TTLL11: variants seen among roughly 807,000 people sequenced by gnomAD.
The protein encoded by TTLL11 is tubulin polyglutamylase TTLL11.
A neutral mutation model predicts 51.7 loss-of-function variants in TTLL11; 42 were observed. The ratio of observed to expected loss-of-function variants is 0.81; its 90% CI spans 0.64 to 1.05. TTLL11 has a LOEUF of 1.05. Among genes scored for constraint, TTLL11 ranks in the 50% least tolerant of loss-of-function variants. The pLI is 0.00. For missense variants in TTLL11, 799 were observed against 940.4 expected, an observed-to-expected ratio of 0.85 and a Z score of 1.97; for synonymous variants, 381 against 383.5, an observed-to-expected ratio of 0.99 and a Z score of 0.08.
At chr9:122,038,624 G>A (rs1259699372) in intron 2 of TTLL11, among the ~76,000 whole-genome samples, 2 of 152,208 alleles carry the variant, frequency 1.3e-5, no homozygotes, top group South Asian at 4.1e-4. Context: ...TCTCCAGTAT[G>A]AGTGACCAAG....
At chr9:122,075,035 T>C (rs376575692) in intron 1 of TTLL11, among the ~76,000 whole-genome samples, 5 of 152,232 alleles carry the variant, frequency 3.3e-5, no homozygotes, top group African/African-American at 1.2e-4. Context: ...TTCACATTCA[T>C]ATTGTAATTC....
intron 1 of TTLL11, among the ~76,000 whole-genome samples, chr9:122,067,073 G>T (rs890543368): frequency 6.6e-6 from 1 of 152,132 alleles, no homozygotes; most frequent in African/African-American, 2.4e-5. Flanking sequence ...TGAGATTTGG[G>T]TAGGGACACA....
chr9:121,837,279 C>A (rs190825548), intron 8 of TTLL11, among the ~76,000 whole-genome samples: 6 of 150,636 alleles, frequency 4.0e-5, no homozygotes, highest in Admixed American at 4.0e-4. Context: ...CTTGAATGAG[C>A]AATCATCTCT....
Position 121,989,722 on chromosome 9 carries a change from C to T in TTLL11, c.742G>A (p.Val248Met), listed in dbSNP as rs755218056. The T allele has an allele frequency of 3.2e-5, 52 of 1,610,852 alleles. No individual in the cohort carries two copies. The highest frequency in any genetic ancestry group is 1.7e-4 in the South Asian group (15 of 90,826). Residue 248 changes from valine to methionine, a missense_variant, in exon 4 of 9, where the codon GTG (valine) becomes ATG (methionine). This residue lies in a region of TTLL11 where 468 missense variants were observed against 612.8 expected (regional missense o/e 0.76). Transcript: ENST00000321582. This position sits in a 1 kb window ranked among gnomAD's most constrained non-coding sequence, Gnocchi z 4.2. ...CCCTGACAACCACCATCAGGTTTCACGATAAAAGTGGGCTTCCAGGAGGGG... is the reference window on the plus strand; with the variant it reads ...CCCTGACAACCACCATCAGGTTTCATGATAAAAGTGGGCTTCCAGGAGGGG... Reference protein sequence around the residue: ...DDPSWKPTFIVKPDGGCQGDG... With the variant: ...DDPSWKPTFIMKPDGGCQGDG...
chr9:121,956,697 A>T (rs1462297134), intron 6 of TTLL11, among the ~76,000 whole-genome samples: 1 of 152,248 alleles, frequency 6.6e-6, no homozygotes. Flanking sequence ...GTGGCAGGCA[A>T]GTAGTTCTCA....
At chr9:122,015,911 T>C (rs886087790) in intron 3 of TTLL11, among the ~76,000 whole-genome samples, 16 of 152,092 alleles carry the variant, frequency 1.1e-4, no homozygotes, top group African/African-American at 9.7e-5. Context: ...CCAGGCACTG[T>C]GATAGGCACT....
chr9:121,971,906 C>G (rs953425927), intron 6 of TTLL11, among the ~76,000 whole-genome samples: 6 of 152,010 alleles, frequency 3.9e-5, no homozygotes, highest in Admixed American at 2.0e-4. Context: ...ACTGCACGTT[C>G]CTACTCATAA....
At chr9:122,031,944 C>G in intron 2 of TTLL11, 88 bp from the exon 3 acceptor site, 1 of 1,497,240 alleles carries the variant, frequency 6.7e-7, no homozygotes, top group Admixed American at 2.0e-5. Context: ...AAACCACCCA[C>G]CCGACATATT....
chr9:122,050,714 A>C (rs1393403696), intron 1 of TTLL11, among the ~76,000 whole-genome samples: 1 of 152,108 alleles, frequency 6.6e-6, no homozygotes, highest in Non-Finnish European at 1.5e-5. Context: ...ATATTTTTAT[A>C]AAAAGACTAC....
chr9:122,072,607 G>A (rs1220481384), intron 1 of TTLL11, among the ~76,000 whole-genome samples: 1 of 152,138 alleles, frequency 6.6e-6, no homozygotes, highest in Admixed American at 6.5e-5. Context: ...TCGTGCCACT[G>A]CACTCCAGCC....
intron 1 of TTLL11, among the ~76,000 whole-genome samples, chr9:122,081,750 T>C (rs1286596673): frequency 6.6e-6 from 1 of 152,206 alleles, no homozygotes; most frequent in African/African-American, 2.4e-5. Context: ...TTAATTGTAA[T>C]GTGGATCATG....
At chr9:122,008,815 A>C (rs1227086695) in intron 3 of TTLL11, among the ~76,000 whole-genome samples, 1 of 152,252 alleles carries the variant, frequency 6.6e-6, no homozygotes, top group Non-Finnish European at 1.5e-5. Flanking sequence ...CGGGTGAATG[A>C]ATGAAGAAAA....
chr9:122,008,194 C>T lies in TTLL11; in HGVS notation c.694-18424G>A, dbSNP rs553958222. Among the ~76,000 whole-genome samples, 7 of 152,306 alleles carry T rather than the reference C, an allele frequency of 4.6e-5. No individual in the cohort carries two copies. The South Asian group carries it at 6.2e-4, about 14-fold the overall frequency. On this transcript the variant is annotated intron_variant, in intron 3 of 8. Transcript: ENST00000321582. Reference sequence around the variant, plus strand: ...ATTGAAGGAGACTAAAAAGACACAACAACCAAATGTGATGCACAATCCAGG... The same window carrying T: ...ATTGAAGGAGACTAAAAAGACACAATAACCAAATGTGATGCACAATCCAGG...
At chr9:122,088,469 T>C (rs1169399739) in intron 1 of TTLL11, among the ~76,000 whole-genome samples, 2 of 152,236 alleles carry the variant, frequency 1.3e-5, no homozygotes, top group Admixed American at 1.3e-4. Context: ...ATGGAATGCA[T>C]ATTTCAAATG....
chr9:121,838,030 C>T (rs191765529), intron 8 of TTLL11, among the ~76,000 whole-genome samples: 1 of 152,336 alleles, frequency 6.6e-6, no homozygotes, highest in East Asian at 1.9e-4. Context: ...TCCTGTCATT[C>T]ATTCCCCAGG....
chr9:121,959,745 C>T (rs539912163), intron 6 of TTLL11, among the ~76,000 whole-genome samples: 2 of 152,198 alleles, frequency 1.3e-5, no homozygotes, highest in South Asian at 2.1e-4. Context: ...TAAACCTCAT[C>T]GTGTCAGCCT....
intron 1 of TTLL11, among the ~76,000 whole-genome samples, chr9:122,054,893 C>T (rs1845250066): frequency 6.6e-6 from 1 of 152,152 alleles, no homozygotes; most frequent in Non-Finnish European, 1.5e-5. Flanking sequence ...CCCAGGATAT[C>T]AGACAACTTT....
chr9:121,927,152 A>G (rs1840766166), intron 6 of TTLL11, among the ~76,000 whole-genome samples: 1 of 152,228 alleles, frequency 6.6e-6, no homozygotes, highest in Non-Finnish European at 1.5e-5. Context: ...CATTTGGTTT[A>G]TAGCATAGCG....
intron 6 of TTLL11, among the ~76,000 whole-genome samples, chr9:121,945,857 C>T (rs904069636): frequency 1.3e-5 from 2 of 152,212 alleles, no homozygotes; most frequent in Admixed American, 6.5e-5. Context: ...CACTCCACTT[C>T]CCTGGAAAGT....
Sources: gnomAD v4.1 joint callset for allele counts (sites outside exome capture counted in the v4.1 genomes callset) on GRCh38, gnomAD v4.1.1 for gene constraint, gnomAD v4.1.1 regional missense constraint, Gnocchi (gnomAD v3.1) non-coding constraint, MANE v1.5 for transcripts, NCBI Gene and HGNC (gene_info 2026-07-23, HGNC 2026-07-21) for gene names.